The following CELF2 variants were observed in gnomAD, a reference collection of about 807,000 sequenced individuals.
CELF2 encodes the protein CUGBP Elav-like family member 2.
A neutral mutation model predicts 62.6 loss-of-function variants in CELF2; 8 were observed. The ratio of observed to expected loss-of-function variants is 0.13; its 90% CI spans 0.07 to 0.23. The LOEUF (loss-of-function observed/expected upper bound fraction) is 0.23. CELF2 is among the 10% of genes least tolerant of loss of function. The pLI is 1.00. For missense variants in CELF2, 333 were observed against 671.0 expected (o/e 0.50, Z 5.56); for synonymous variants, 258 against 250.0 (o/e 1.03, Z -0.30).
Position 11,207,594 on chromosome 10 carries a change from G to A in CELF2, c.272-9831G>A, listed in dbSNP as rs1004840595. 6.6e-6 allele frequency among the ~76,000 whole-genome samples: 1 copy of A among 152,250 alleles called. No homozygotes were observed. The highest frequency in any genetic ancestry group is 2.4e-5 in the African/African-American group (1 of 41,464). On this transcript the variant is annotated intron_variant, in intron 2 of 12. Coordinates refer to ENST00000633077, the MANE Select transcript of CELF2 (RefSeq NM_001326342.2). The surrounding 1 kb of genome is among the most constrained non-coding windows in gnomAD (Gnocchi z 4.1). ...CGACTGCCTCAGGCGGCCAGAGGGC[G>A]GTGCGGGTCCCACGCTGCCAGTGTA...
chr10:11,138,289 C>T (rs2060761735), intron 1 of CELF2, among the ~76,000 whole-genome samples: 1 of 152,150 alleles, frequency 6.6e-6, no homozygotes, highest in African/African-American at 2.4e-5. Flanking sequence ...AAAAAATAAA[C>T]TGAGACACGT....
the CELF2 span, among the ~76,000 whole-genome samples, chr10:10,775,069 G>T: frequency 0.14 from 20,763 of 151,740 alleles, 1,747 homozygotes; most frequent in East Asian, 0.31. Context: ...GTAGAGACAG[G>T]TTTCACCATG....
At chr10:10,745,466 GGTGA>G in the CELF2 span, among the ~76,000 whole-genome samples, 2 of 152,148 alleles carry the variant, frequency 1.3e-5, no homozygotes, top group Admixed American at 1.3e-4. Flanking sequence ...CGCACCCCCT[GGTGA>G]GCTCTCTTTG....
intron 1 of CELF2, among the ~76,000 whole-genome samples, chr10:10,827,099 T>G (rs2057454738): frequency 2.1e-5 from 1 of 47,874 alleles, no homozygotes; most frequent in South Asian, 5.7e-4. Flanking sequence ...TCAAAGAGGG[T>G]TGTTTGTTTG....
intron 1 of CELF2, among the ~76,000 whole-genome samples, chr10:11,088,941 G>A (rs113396750): frequency 1.3e-5 from 2 of 152,332 alleles, no homozygotes; most frequent in African/African-American, 4.8e-5. Context: ...GGTGACTGAA[G>A]CACATGCAAG....
At chr10:10,571,566 C>T in the CELF2 span, among the ~76,000 whole-genome samples, 59 of 152,166 alleles carry the variant, frequency 3.9e-4, no homozygotes, top group East Asian at 3.9e-4. Flanking sequence ...ATAATAAAAG[C>T]GACCATGGGT....
intron 2 of CELF2, among the ~76,000 whole-genome samples, chr10:10,978,462 C>T (rs188502036): frequency 6.6e-6 from 1 of 152,088 alleles, no homozygotes; most frequent in African/African-American, 2.4e-5. Context: ...ATTAAGATGG[C>T]AAGAACAGAT....
the CELF2 span, among the ~76,000 whole-genome samples, chr10:10,687,321 T>C: frequency 2.0e-5 from 3 of 152,240 alleles, no homozygotes; most frequent in Admixed American, 6.5e-5. Flanking sequence ...ATGAATTTGC[T>C]CTTTAAAAAT....
the CELF2 span, among the ~76,000 whole-genome samples, chr10:10,683,827 G>A: frequency 6.6e-6 from 1 of 152,146 alleles, no homozygotes; most frequent in Non-Finnish European, 1.5e-5. Flanking sequence ...GTGACAAAAA[G>A]CAATTTAGAT....
intron 2 of CELF2, chr10:10,944,471 A>G (rs1345518953): frequency 6.6e-6 from 1 of 152,380 alleles, no homozygotes; most frequent in African/African-American, 2.4e-5. Flanking sequence ...GTGGATTTGA[A>G]ATGAGCTGGA....
the CELF2 span, among the ~76,000 whole-genome samples, chr10:10,507,426 T>C: frequency 6.6e-6 from 1 of 152,178 alleles, no homozygotes; most frequent in Admixed American, 6.5e-5. Flanking sequence ...AATGAGCTGC[T>C]TGGAAAAGAT....
rs1429899282 is a variant in CELF2 at position 11,162,035 on chromosome 10, G to A, written c.75-3451G>A. Among the ~76,000 whole-genome samples, 6 of 152,298 alleles carry A rather than the reference G, an allele frequency of 3.9e-5. No individual in the cohort carries two copies. In the East Asian group the frequency reaches 9.7e-4, roughly 25 times the overall value. On this transcript the variant is annotated intron_variant, in intron 1 of 12. Transcript: ENST00000633077. ...TGGGAGTCCAGAGCAGGATTCATTT[G>A]GGTGGATGAGAAGGGAGTAAACCAA...
At chr10:11,234,448 C>T (rs1285862628) in intron 3 of CELF2, among the ~76,000 whole-genome samples, 3 of 152,068 alleles carry the variant, frequency 2.0e-5, no homozygotes, top group South Asian at 2.1e-4. Flanking sequence ...TTTGGGAGGC[C>T]GAGGCGGGTG....
the CELF2 span, among the ~76,000 whole-genome samples, chr10:10,713,349 A>G: frequency 6.6e-6 from 1 of 152,298 alleles, no homozygotes; most frequent in East Asian, 1.9e-4. Flanking sequence ...TACGGTGTTC[A>G]TTGCTGTGTC....
At chr10:10,831,680 TA>T (rs1237288945) in intron 1 of CELF2, among the ~76,000 whole-genome samples, 3 of 152,130 alleles carry the variant, frequency 2.0e-5, no homozygotes. Flanking sequence ...TTTAAATAAA[TA>T]TTTGCTATGG....
chr10:10,956,342 C>T (rs2048894170), intron 2 of CELF2, among the ~76,000 whole-genome samples: 1 of 152,198 alleles, frequency 6.6e-6, no homozygotes, highest in Admixed American at 6.5e-5. Flanking sequence ...GGAGAAAATG[C>T]TTTCCTGTCA....
intron 1 of CELF2, among the ~76,000 whole-genome samples, chr10:11,091,900 G>A (rs966587326): frequency 1.3e-5 from 2 of 152,204 alleles, no homozygotes; most frequent in African/African-American, 4.8e-5. Context: ...GGTAACGTTG[G>A]CTTAAAGTGC....
Position 11,179,045 on chromosome 10 carries a change from G to GAT in CELF2, c.271+13366_271+13367dup, listed in dbSNP as rs1490520445. Among the ~76,000 whole-genome samples, 3 of 152,184 alleles carry GAT rather than the reference G, an allele frequency of 2.0e-5. No homozygotes were observed. In the East Asian group the frequency reaches 5.8e-4, roughly 29 times the overall value. ...AAGGAGCCTGAGACAAAGATTAAGTGATATTTTAAGCAAAGCTGATAATCC... is the reference window on the plus strand; with the variant it reads ...AAGGAGCCTGAGACAAAGATTAAGTGATATATTTTAAGCAAAGCTGATAATCC... On this transcript the variant is annotated intron_variant, in intron 2 of 12. Coordinates refer to ENST00000633077, the MANE Select transcript of CELF2 (RefSeq NM_001326342.2).
intron 2 of CELF2, among the ~76,000 whole-genome samples, chr10:10,999,423 G>C (rs955820751): frequency 1.3e-5 from 2 of 152,170 alleles, no homozygotes; most frequent in African/African-American, 4.8e-5. Context: ...AGGTAACATT[G>C]AAAGCACCTG....
Sources: gnomAD v4.1 joint callset for allele counts (sites outside exome capture counted in the v4.1 genomes callset) on GRCh38, gnomAD v4.1.1 for gene constraint, Gnocchi (gnomAD v3.1) non-coding constraint, MANE v1.5 for transcripts, NCBI Gene and HGNC (gene_info 2026-07-23, HGNC 2026-07-21) for gene names.